ERBB4: variants seen among roughly 807,000 people sequenced by gnomAD.
ERBB4 encodes the protein receptor tyrosine-protein kinase erbB-4.
A neutral mutation model predicts 158.0 loss-of-function variants in ERBB4; 42 were observed. That is an observed-to-expected ratio of 0.27 (90% CI 0.21 to 0.34). The LOEUF (loss-of-function observed/expected upper bound fraction) is 0.34. ERBB4 is among the 10% of genes least tolerant of loss of function. The pLI is 1.00. For missense variants in ERBB4, 1,333 were observed against 1,624.1 expected (o/e 0.82, Z 3.08); for synonymous variants, 583 against 558.7 (o/e 1.04, Z -0.61).
chr2:212,518,774 A>T (rs1006604231), intron 1 of ERBB4, among the ~76,000 whole-genome samples: 1 of 152,042 alleles, frequency 6.6e-6, no homozygotes, highest in Non-Finnish European at 1.5e-5. Flanking sequence ...CTGTGTTGAG[A>T]TAATATCTGC....
At chr2:211,963,030 T>C (rs2081220514) in intron 2 of ERBB4, among the ~76,000 whole-genome samples, 1 of 152,204 alleles carries the variant, frequency 6.6e-6, no homozygotes, top group Non-Finnish European at 1.5e-5. Flanking sequence ...GTGCTTAATA[T>C]GTTTTTAATC....
intron 20 of ERBB4, among the ~76,000 whole-genome samples, chr2:211,435,075 A>G (rs2063820841): frequency 6.6e-6 from 1 of 152,232 alleles, no homozygotes; most frequent in Admixed American, 6.5e-5. Flanking sequence ...AAAATGAAAT[A>G]ACTCTTCAAA....
At chr2:211,720,123 A>G (rs541713952) in intron 7 of ERBB4, among the ~76,000 whole-genome samples, 51 of 152,318 alleles carry the variant, frequency 3.3e-4, no homozygotes, top group Admixed American at 9.1e-4. Context: ...GGTGAAGCCA[A>G]TAAGAAAAGT....
chr2:212,178,182 A>G (rs909894841), intron 1 of ERBB4, among the ~76,000 whole-genome samples: 3 of 151,854 alleles, frequency 2.0e-5, no homozygotes, highest in Non-Finnish European at 2.9e-5. Flanking sequence ...CTTAAAAACA[A>G]TGATAAGTCA....
intron 4 of ERBB4, among the ~76,000 whole-genome samples, chr2:211,758,012 G>A (rs2075324141): frequency 6.6e-6 from 1 of 152,148 alleles, no homozygotes. Context: ...AAGGAGAACA[G>A]ATAGAGCAAC....
intron 1 of ERBB4, among the ~76,000 whole-genome samples, chr2:212,242,811 T>C (rs990934218): frequency 6.6e-6 from 1 of 152,224 alleles, no homozygotes; most frequent in Non-Finnish European, 1.5e-5. Flanking sequence ...GCTGTGCAGC[T>C]TGTTACTCCA....
chr2:211,614,698 T>G (rs888069758), intron 19 of ERBB4, among the ~76,000 whole-genome samples: 40 of 152,208 alleles, frequency 2.6e-4, no homozygotes, highest in African/African-American at 9.1e-4. Flanking sequence ...TTTATAAGCC[T>G]GTTATACTCT....
intron 1 of ERBB4, among the ~76,000 whole-genome samples, chr2:212,226,634 T>G (rs1311681779): frequency 6.6e-6 from 1 of 152,180 alleles, no homozygotes; most frequent in Non-Finnish European, 1.5e-5. Context: ...TTTATACTAC[T>G]CCTTTATATC....
At chr2:212,126,166 T>C (rs1234616842) in intron 1 of ERBB4, among the ~76,000 whole-genome samples, 1 of 152,188 alleles carries the variant, frequency 6.6e-6, no homozygotes, top group Non-Finnish European at 1.5e-5. Context: ...GTTTTTGTTT[T>C]GTTTTTTAAT....
intron 3 of ERBB4, among the ~76,000 whole-genome samples, chr2:211,809,389 G>A (rs556430941): frequency 6.6e-6 from 1 of 152,274 alleles, no homozygotes; most frequent in East Asian, 1.9e-4. Context: ...TCTATTCAGA[G>A]ATTCAACTTC....
intron 1 of ERBB4, among the ~76,000 whole-genome samples, chr2:212,161,661 T>C (rs1465023036): frequency 6.6e-6 from 1 of 151,882 alleles, no homozygotes; most frequent in Non-Finnish European, 1.5e-5. Context: ...CAACTTATAT[T>C]TAAAGTAAAT....
At chr2:211,513,742 C>A (rs576052512) in intron 20 of ERBB4, among the ~76,000 whole-genome samples, 166 of 152,118 alleles carry the variant, frequency 1.1e-3, no homozygotes, top group African/African-American at 3.8e-3. Flanking sequence ...GCTTTGTTAA[C>A]CCCTAACAGG....
chr2:211,418,322 G>A (rs1361567837), intron 25 of ERBB4, among the ~76,000 whole-genome samples: 9 of 152,190 alleles, frequency 5.9e-5, no homozygotes, highest in South Asian at 2.1e-4. Flanking sequence ...TAAAAGTTAC[G>A]TAAAGCCAGA....
chr2:212,215,165 T>C (rs939784445), intron 1 of ERBB4, among the ~76,000 whole-genome samples: 1 of 151,506 alleles, frequency 6.6e-6, no homozygotes, highest in Admixed American at 6.6e-5. Flanking sequence ...GTGTATACAG[T>C]GCCTCCTTTG....
intron 13 of ERBB4, among the ~76,000 whole-genome samples, chr2:211,673,797 T>C (rs181873501): frequency 4.5e-4 from 69 of 152,228 alleles, no homozygotes; most frequent in Admixed American, 7.2e-4. Flanking sequence ...ATATCTGCCT[T>C]GGAGAATTAG....
intron 1 of ERBB4, among the ~76,000 whole-genome samples, chr2:212,191,886 C>CAA (rs2082250566): frequency 7.1e-6 from 1 of 141,226 alleles, no homozygotes; most frequent in East Asian, 2.0e-4. Flanking sequence ...ACATATGTTA[C>CAA]ATGTTATATA....
At chr2:211,877,704 C>T (rs981877207) in intron 3 of ERBB4, among the ~76,000 whole-genome samples, 1 of 152,000 alleles carries the variant, frequency 6.6e-6, no homozygotes, top group Non-Finnish European at 1.5e-5. Flanking sequence ...GAAATAAATA[C>T]CTGAATATAC....
intron 4 of ERBB4, among the ~76,000 whole-genome samples, chr2:211,773,728 C>T (rs1032339194): frequency 7.6e-5 from 11 of 145,510 alleles, no homozygotes; most frequent in African/African-American, 2.8e-4. Flanking sequence ...TATATACACA[C>T]ACACACTTCA....
At chr2:212,514,653 A>G (rs1207682276) in intron 1 of ERBB4, among the ~76,000 whole-genome samples, 1 of 152,106 alleles carries the variant, frequency 6.6e-6, no homozygotes, top group Non-Finnish European at 1.5e-5. Context: ...AAAAATACAA[A>G]AATTAACTGG....
Sources: gnomAD v4.1 joint callset for allele counts (sites outside exome capture counted in the v4.1 genomes callset) on GRCh38, gnomAD v4.1.1 for gene constraint, MANE v1.5 for transcripts, NCBI Gene and HGNC (gene_info 2026-07-23, HGNC 2026-07-21) for gene names.